Variants in AQP9 observed in about 807,000 individuals in gnomAD.
AQP9 encodes aquaporin 9, also known as aquaporin-9.
AQP9 carries 19 observed loss-of-function variants against 23.8 expected under a neutral mutation model. The ratio of observed to expected loss-of-function variants is 0.80; its 90% CI spans 0.56 to 1.17. The LOEUF is 1.17. AQP9 is among the 50% of genes most tolerant of loss of function. AQP9 has a pLI of 0.00. For missense variants in AQP9, 413 were observed against 362.0 expected, an observed-to-expected ratio of 1.14 and a Z score of -1.14; for synonymous variants, 153 against 131.5, an observed-to-expected ratio of 1.16 and a Z score of -1.12.
chr15:58,156,793 G>C (rs192080272), intron 1 of AQP9, among the ~76,000 whole-genome samples: 2 of 152,266 alleles, frequency 1.3e-5, no homozygotes, highest in Admixed American at 1.3e-4. Flanking sequence ...CAAATCTCTA[G>C]GTTGGCCACT....
chr15:58,146,121 T>G (rs1051713601), intron 1 of AQP9, among the ~76,000 whole-genome samples: 1 of 152,132 alleles, frequency 6.6e-6, no homozygotes, highest in Non-Finnish European at 1.5e-5. Context: ...TTAACTCATT[T>G]TTCATCTTCA....
At chr15:58,175,754 T>A (rs1346056958) in intron 4 of AQP9, among the ~76,000 whole-genome samples, 7 of 152,216 alleles carry the variant, frequency 4.6e-5, no homozygotes, top group South Asian at 2.1e-4. Context: ...CAGATCAGAA[T>A]GGGCATGTGT....
chr15:58,138,520 A>G lies in AQP9; in HGVS notation c.-46A>G. ...TCTGGCTGTGAAAGTGAGGACCACAACAGGTAGGTATTGGTAGAAACAGGA... is the reference window on the plus strand; with the variant it reads ...TCTGGCTGTGAAAGTGAGGACCACAGCAGGTAGGTATTGGTAGAAACAGGA... On this transcript the variant is annotated 5_prime_UTR_variant, in exon 1 of 6. Coordinates refer to ENST00000219919, the MANE Select transcript of AQP9 (RefSeq NM_020980.5). 1 of 1,509,144 alleles carries G rather than the reference A, an allele frequency of 6.6e-7. No individual in the cohort carries two copies. 93.5% of individuals were successfully genotyped at this position (1,509,144 alleles called of 1,614,324 possible). A position where few individuals can be genotyped will look rare whatever the true frequency, so the allele number is the denominator to read the frequency against.
In AQP9 at chr15:58,179,244, T is replaced by C; in HGVS notation, c.612T>C (p.Ala204=). 5.0e-6 allele frequency: 8 copies of C among 1,614,208 alleles called. No individual in the cohort carries two copies. Among genetic ancestry groups the C allele is most frequent in the Non-Finnish European group, 6.8e-6 (8 of 1,180,016 alleles). ...TCGGCCTCCTGATTATTGTCATTGC[T>C]TCCTCCCTGGGACTGAACAGTGGCT... ...IAIGLLIIVI[A]SSLGLNSGCA... is the part of the protein sequence containing the mutation. The change falls in exon 5 of 6, where the codon GCT becomes GCC. Residue 204 remains alanine (A), a synonymous_variant. Transcript: ENST00000219919.
At chr15:58,142,010 G>T (rs1392552445) in intron 1 of AQP9, among the ~76,000 whole-genome samples, 2 of 152,192 alleles carry the variant, frequency 1.3e-5, no homozygotes, top group Non-Finnish European at 2.9e-5. Context: ...AGAGCTCTGA[G>T]ATAAGGGTGG....
chr15:58,144,860 A>T (rs1462860196), intron 1 of AQP9, among the ~76,000 whole-genome samples: 1 of 151,930 alleles, frequency 6.6e-6, no homozygotes, highest in African/African-American at 2.4e-5. Context: ...CTAAAAATAC[A>T]AAAATTAGCT....
In AQP9 at chr15:58,138,643, C is replaced by A. The variant is rs1189795270; in HGVS notation, c.78C>A (p.Thr26=). ...LVLKSSLAKE[T]LSEFLGTFIL... ...TGAAGAGCAGCTTAGCGAAAGAAAC[C>A]CTCTCTGAGTTCTTGGGCACGTTCA... The change falls in exon 1 of 6, where the codon ACC becomes ACA. Residue 26 remains threonine, a synonymous_variant. Transcript: ENST00000219919. 1 of 1,613,750 alleles carries A rather than the reference C, an allele frequency of 6.2e-7. No homozygotes were observed. The highest frequency in any genetic ancestry group is 1.1e-5 in the South Asian group (1 of 91,064).
At chr15:58,151,457 T>C (rs1259185145) in intron 1 of AQP9, 3 of 152,128 alleles carry the variant, frequency 2.0e-5, no homozygotes, top group African/African-American at 7.2e-5. Flanking sequence ...AATTAAATGA[T>C]AATTCATCTA....
At chr15:58,173,229 A>C (rs762400075) in intron 3 of AQP9, 24 bp downstream of exon 3, 1 of 1,612,702 alleles carries the variant, frequency 6.2e-7, no homozygotes, top group Non-Finnish European at 8.5e-7. Context: ...CTGAGTCCTA[A>C]GGTTAGGAAG....
At chr15:58,156,971 C>T (rs1310027387) in intron 1 of AQP9, among the ~76,000 whole-genome samples, 1 of 152,170 alleles carries the variant, frequency 6.6e-6, no homozygotes, top group African/African-American at 2.4e-5. Context: ...GAGCACTTTC[C>T]TCCTCCTAAA....
chr15:58,138,227 C>T (rs1375497014), upstream of AQP9: 1 of 167,716 alleles, frequency 6.0e-6, no homozygotes, highest in Non-Finnish European at 1.3e-5. Flanking sequence ...TGGCACATCT[C>T]TTTTCTCATC....
chr15:58,155,987 C>T (rs912894309), intron 1 of AQP9: 1 of 152,162 alleles, frequency 6.6e-6, no homozygotes, highest in Non-Finnish European at 1.5e-5. Context: ...AGACAAACAG[C>T]ATCCATTATG....
chr15:58,161,386 C>T (rs190832104), intron 1 of AQP9, among the ~76,000 whole-genome samples: 3 of 152,078 alleles, frequency 2.0e-5, no homozygotes, highest in Non-Finnish European at 4.4e-5. Flanking sequence ...TGTATGGAAC[C>T]TGATAGTAAA....
intron 5 of AQP9, 139 bp downstream of exon 5, chr15:58,179,484 C>T (rs980465167): frequency 1.3e-5 from 9 of 671,520 alleles, no homozygotes; most frequent in African/African-American, 3.8e-5. Context: ...AAGCATGAGA[C>T]ATTTCACTGG....
intron 2 of AQP9, among the ~76,000 whole-genome samples, chr15:58,171,577 A>G (rs192065161): frequency 2.0e-5 from 3 of 152,314 alleles, no homozygotes; most frequent in East Asian, 3.9e-4. Context: ...TGGATTTGAA[A>G]GGAAAACACA....
At chr15:58,175,490 C>T (rs1898731561) in intron 4 of AQP9, among the ~76,000 whole-genome samples, 1 of 152,234 alleles carries the variant, frequency 6.6e-6, no homozygotes, top group African/African-American at 2.4e-5. Context: ...TTTAAACTCT[C>T]AAGGTGGCTA....
At chr15:58,153,370 T>C (rs1255301503) in intron 1 of AQP9, 1 of 152,314 alleles carries the variant, frequency 6.6e-6, no homozygotes, top group Middle Eastern at 3.4e-3. Context: ...ACAGTTTTTC[T>C]ACTTATCTGC....
At chr15:58,151,289 C>A (rs1481327412) in intron 1 of AQP9, 2 of 152,112 alleles carry the variant, frequency 1.3e-5, no homozygotes, top group Non-Finnish European at 2.9e-5. Flanking sequence ...ACACATACAG[C>A]CTAGATTATG....
At chr15:58,170,525 C>A (rs1268812651) in intron 2 of AQP9, among the ~76,000 whole-genome samples, 2 of 151,968 alleles carry the variant, frequency 1.3e-5, no homozygotes, top group Non-Finnish European at 2.9e-5. Flanking sequence ...CTGCCTCAGC[C>A]TCCCAAGTAG....
Sources: allele counts gnomAD v4.1 joint callset (sites outside exome capture counted in the v4.1 genomes callset), GRCh38; gene constraint gnomAD v4.1.1; transcripts MANE v1.5; gene names NCBI Gene and HGNC (gene_info 2026-07-23, HGNC 2026-07-21).